APAF1: variants seen among roughly 807,000 people sequenced by gnomAD.
The protein encoded by APAF1 is apoptotic protease-activating factor 1.
In APAF1, 91 loss-of-function variants were observed where a neutral mutation model predicts 152.4. The observed-to-expected ratio is 0.60, with a 90% CI of 0.50 to 0.71. The LOEUF (loss-of-function observed/expected upper bound fraction) is 0.71, where lower values mean the gene tolerates loss of function less well. APAF1 is among the 30% of genes least tolerant of loss of function. The pLI is 0.00. For missense variants in APAF1, 1,283 were observed against 1,472.0 expected (o/e 0.87, Z 2.10); for synonymous variants, 484 against 494.1 (o/e 0.98, Z 0.27).
intron 17 of APAF1, among the ~76,000 whole-genome samples, chr12:98,702,097 G>A (rs961689827): frequency 6.6e-5 from 10 of 151,388 alleles, no homozygotes; most frequent in South Asian, 2.1e-4. Context: ...ATGGAGTCTC[G>A]CTCTTTCGCC....
rs10718979 is a variant in APAF1 at position 98,727,546 on chromosome 12, CAA to C, written c.3600+246_3600+247del. Among the ~76,000 whole-genome samples the C allele has an allele frequency of 8.4e-3, 971 of 116,020 alleles. 4 individuals carry two copies. The highest frequency in any genetic ancestry group is 0.038 in the South Asian group (135 of 3,594). 76.1% of individuals were successfully genotyped at this position (116,020 alleles called of 152,430 possible). A position where few individuals can be genotyped will look rare whatever the true frequency, so the allele number is the denominator to read the frequency against. On this transcript the variant is annotated intron_variant, in intron 26 of 26. Coordinates refer to ENST00000551964, the MANE Select transcript of APAF1 (RefSeq NM_181861.2). ...TGGGTGACAGAGCGACATCCTGTCT[CAA>C]AAAAAAAAAAAAAAATCTGGCAGTA...
intron 22 of APAF1, among the ~76,000 whole-genome samples, chr12:98,719,232 A>G (rs1156910896): frequency 6.6e-6 from 1 of 152,074 alleles, no homozygotes; most frequent in Non-Finnish European, 1.5e-5. Context: ...TCTGCCTCCT[A>G]ATTCTTAATA....
In APAF1 at chr12:98,732,732, C is replaced by G. The variant is rs2097764168; in HGVS notation, c.*166C>G. ...ATGAATAATATTAATGTAGCTTTTT[C>G]CCAAATGAACATACCTTTAATCTTG... On this transcript the variant is annotated 3_prime_UTR_variant, in exon 27 of 27. Transcript: ENST00000551964. 4 of 594,782 alleles carry G rather than the reference C, an allele frequency of 6.7e-6. No homozygotes were observed. The highest frequency in any genetic ancestry group is 1.2e-5 in the Non-Finnish European group (4 of 339,100). The allele number at this position is 594,782 out of a possible 1,614,324, so 36.8% of individuals were successfully genotyped here.
At chr12:98,667,381 G>T in intron 9 of APAF1, 132 bp from the exon 10 acceptor site, 1 of 1,050,260 alleles carries the variant, frequency 9.5e-7, no homozygotes, top group Non-Finnish European at 1.4e-6. Flanking sequence ...CTCCCAAAGT[G>T]CTGGGATTAC....
At chr12:98,664,724 A>G (rs944652464) in intron 7 of APAF1, among the ~76,000 whole-genome samples, 3 of 152,036 alleles carry the variant, frequency 2.0e-5, no homozygotes, top group South Asian at 4.1e-4. Context: ...TTGTAGGGAC[A>G]GGGTCTCACT....
At chr12:98,649,746 TATATC>T (rs1593013538) in intron 4 of APAF1, 62 bp downstream of exon 4, 8 of 1,393,384 alleles carry the variant, frequency 5.7e-6, no homozygotes, top group Non-Finnish European at 1.0e-6. Context: ...AATATTATGA[TATATC>T]AATACGTGAT....
chr12:98,703,096 A>G (rs1299899797), intron 17 of APAF1, among the ~76,000 whole-genome samples: 3 of 152,112 alleles, frequency 2.0e-5, no homozygotes, highest in Non-Finnish European at 2.9e-5. Flanking sequence ...GGGCCAGTCT[A>G]TTCATTTATT....
At chr12:98,695,741 G>A (rs1053548370) in intron 16 of APAF1, among the ~76,000 whole-genome samples, 1 of 152,230 alleles carries the variant, frequency 6.6e-6, no homozygotes, top group East Asian at 1.9e-4. Context: ...GAAGGGAGGA[G>A]ATTTCAATGG....
At chr12:98,708,083 A>G (rs1048474715) in intron 19 of APAF1, among the ~76,000 whole-genome samples, 4 of 152,084 alleles carry the variant, frequency 2.6e-5, no homozygotes, top group Non-Finnish European at 4.4e-5. Context: ...AGTAGCTGGG[A>G]CCACAGGTGC....
chr12:98,712,329 G>A lies in APAF1; in HGVS notation c.2852G>A (p.Gly951Glu), dbSNP rs201911170. ...CTCATTTTTCATTAGCTCATTAATG[G>A]AAGAACAGGTCAGATTGATTATCTG... ...DHIRRLQLIN[G>E]RTGQIDYLTE... The change falls in exon 21 of 27, where the codon GGA becomes GAA. Residue 951 changes from glycine to glutamate, a missense_variant. By Grantham distance (98) the Gly-to-Glu change is moderately conservative. Transcript: ENST00000551964. 4.4e-6 allele frequency: 7 copies of A among 1,607,470 alleles called. No individual in the cohort carries two copies. The highest frequency in any genetic ancestry group is 6.0e-6 in the Non-Finnish European group (7 of 1,174,352).
In APAF1 at chr12:98,733,787, T is replaced by C; in HGVS notation, c.*1221T>C. 1 of 152,196 alleles carries C rather than the reference T, an allele frequency of 6.6e-6. No homozygotes were observed. The highest frequency in any genetic ancestry group is 1.9e-4 in the East Asian group (1 of 5,202). The allele number at this position is 152,196 out of a possible 1,614,324, so 9.4% of individuals were successfully genotyped here. A position where few individuals can be genotyped will look rare whatever the true frequency, so the allele number is the denominator to read the frequency against. ...TGTATGTTGGAAAGAGTAGATTTTA[T>C]TGGTCTACCCTTTTCTCACTGTAGC... On this transcript the variant is annotated 3_prime_UTR_variant, in exon 27 of 27. Coordinates refer to ENST00000551964, the MANE Select transcript of APAF1 (RefSeq NM_181861.2).
chr12:98,697,236 C>A (rs956250939), intron 16 of APAF1, among the ~76,000 whole-genome samples: 24 of 152,282 alleles, frequency 1.6e-4, no homozygotes, highest in African/African-American at 5.8e-4. Flanking sequence ...GTGACTACCT[C>A]CTGTACAAAG....
chr12:98,694,442 T>C (rs2097707598), intron 16 of APAF1, among the ~76,000 whole-genome samples: 1 of 152,206 alleles, frequency 6.6e-6, no homozygotes, highest in Admixed American at 6.5e-5. Context: ...CTTGTGTTTC[T>C]GGATTAAAAT....
rs1355633438 is a variant in APAF1, at chr12:98,725,388, T to G, written c.3331-27T>G. ...TGCTTATTTTGAGTGTTTATAGCAT[T>G]GCTAAACAATCCTAATTGCCTTCCA... On this transcript the variant is annotated intron_variant, in intron 24 of 26. Coordinates refer to ENST00000551964, the MANE Select transcript of APAF1 (RefSeq NM_181861.2). 1.9e-6 allele frequency: 3 copies of G among 1,613,754 alleles called. No individual in the cohort carries two copies. In the African/African-American group the frequency reaches 4.0e-5, roughly 22 times the overall value.
intron 4 of APAF1, among the ~76,000 whole-genome samples, chr12:98,653,707 T>A (rs1252490796): frequency 9.4e-6 from 1 of 106,164 alleles, no homozygotes; most frequent in Non-Finnish European, 1.9e-5. Flanking sequence ...TATATATATA[T>A]ATATATATAT....
intron 16 of APAF1, among the ~76,000 whole-genome samples, chr12:98,694,977 A>G (rs2153331468): frequency 6.7e-6 from 1 of 150,332 alleles, no homozygotes; most frequent in African/African-American, 2.4e-5. Flanking sequence ...TTTGATGTCA[A>G]AGTCTTTATA....
At chr12:98,668,992 T>C (rs1043899679) in intron 10 of APAF1, among the ~76,000 whole-genome samples, 7 of 152,218 alleles carry the variant, frequency 4.6e-5, no homozygotes, top group African/African-American at 1.7e-4. Context: ...ATATGTACTT[T>C]CAGTAAATTT....
intron 14 of APAF1, among the ~76,000 whole-genome samples, chr12:98,681,977 T>TG (rs2097692703): frequency 6.6e-6 from 1 of 152,166 alleles, no homozygotes; most frequent in Admixed American, 6.5e-5. Flanking sequence ...GTAATTTATT[T>TG]CTTTTGTTTG....
At chr12:98,709,662 T>G (rs953255464) in intron 20 of APAF1, among the ~76,000 whole-genome samples, 1 of 152,094 alleles carries the variant, frequency 6.6e-6, no homozygotes, top group Non-Finnish European at 1.5e-5. Context: ...CAGCAGAGTA[T>G]GGACCATTGA....
Sources: allele counts gnomAD v4.1 joint callset (sites outside exome capture counted in the v4.1 genomes callset), GRCh38; gene constraint gnomAD v4.1.1; transcripts MANE v1.5; gene names NCBI Gene and HGNC (gene_info 2026-07-23, HGNC 2026-07-21).